The following PRIM2 variants were observed in gnomAD, a reference collection of about 807,000 sequenced individuals.
PRIM2 encodes the protein DNA primase subunit 2.
In PRIM2, 39 loss-of-function variants were observed where a neutral mutation model predicts 67.3. That is an observed-to-expected ratio of 0.58 (90% CI 0.45 to 0.76). PRIM2 has a LOEUF of 0.76. Among genes scored for constraint, PRIM2 ranks in the 30% least tolerant of loss-of-function variants. PRIM2 has a pLI of 0.00. For synonymous variants in PRIM2, 143 were observed against 198.7 expected (o/e 0.72, Z 2.36); for missense variants, 398 against 598.7 (o/e 0.66, Z 3.50).
At position 57,324,250 on chromosome 6, in the gene PRIM2, A is replaced by T. The variant is rs1184949882; in HGVS notation, c.308A>T (p.His103Leu). Reference sequence around the variant, plus strand: ...CCACGAAGAAGAGATCATATTTCTCATTTTATTTTGCGGCTTGCTTATTGC... The same window carrying T: ...CCACGAAGAAGAGATCATATTTCTCTTTTTATTTTGCGGCTTGCTTATTGC... ...YEPRRRDHISHFILRLAYCQS... is the reference protein window; with the variant it reads ...YEPRRRDHISLFILRLAYCQS... Residue 103 changes from histidine to leucine, a missense_variant, in exon 4 of 14, where the codon CAT (histidine) becomes CTT (leucine). This residue lies in a region of PRIM2 where 229 missense variants were observed against 383.6 expected (regional missense o/e 0.60). Transcript: ENST00000615550. 1 of 1,605,666 alleles carries T rather than the reference A, an allele frequency of 6.2e-7. No individual in the cohort carries two copies. Among genetic ancestry groups the T allele is most frequent in the Non-Finnish European group, 8.5e-7 (1 of 1,174,764 alleles).
rs1156527261 is a variant in PRIM2, at chr6:57,447,520, A to G, written c.694-59867A>G. Among the ~76,000 whole-genome samples, 3 of 152,190 alleles carry G rather than the reference A, an allele frequency of 2.0e-5. No individual in the cohort carries two copies. The South Asian group carries it at 6.2e-4, about 32-fold the overall frequency. On this transcript the variant is annotated intron_variant, in intron 7 of 13. Transcript: ENST00000615550. ...AAAGGAAGGCAGGCATTCCTGAGAG[A>G]ATGAGCATGGGTAGGAAGGTGTGAT...
intron 5 of PRIM2, among the ~76,000 whole-genome samples, chr6:57,354,751 G>A (rs1281862594): frequency 6.6e-6 from 1 of 152,170 alleles, no homozygotes; most frequent in African/African-American, 2.4e-5. Context: ...GTAACGCAGG[G>A]CAAGATGATT....
chr6:57,349,228 G>A (rs1768780964), intron 5 of PRIM2, among the ~76,000 whole-genome samples: 3 of 152,106 alleles, frequency 2.0e-5, no homozygotes, highest in Non-Finnish European at 1.5e-5. Context: ...TATGAGTTGA[G>A]GAAGATAATA....
chr6:57,306,997 G>A, the PRIM2 span, among the ~76,000 whole-genome samples: 3 of 151,940 alleles, frequency 2.0e-5, no homozygotes, highest in African/African-American at 7.2e-5. Context: ...TCAGGAGTTC[G>A]AGACCAGCCT....
intron 12 of PRIM2, among the ~76,000 whole-genome samples, chr6:57,629,626 C>T (rs1249626275): frequency 6.6e-6 from 1 of 151,994 alleles, no homozygotes; most frequent in African/African-American, 2.4e-5. Flanking sequence ...GATATTGCCA[C>T]CCTGGTCCAT....
chr6:57,238,417 A>T, the PRIM2 span, among the ~76,000 whole-genome samples: 1 of 152,224 alleles, frequency 6.6e-6, no homozygotes, highest in African/African-American at 2.4e-5. Context: ...ACTCACTCAA[A>T]ACCTCTCAAC....
At chr6:57,417,344 A>G (rs1771300292) in intron 7 of PRIM2, among the ~76,000 whole-genome samples, 1 of 151,958 alleles carries the variant, frequency 6.6e-6, no homozygotes, top group Non-Finnish European at 1.5e-5. Context: ...TGCATTTACG[A>G]CTTTGCTCAC....
intron 4 of PRIM2, among the ~76,000 whole-genome samples, chr6:57,324,739 A>G (rs1042611963): frequency 2.6e-5 from 4 of 152,156 alleles, no homozygotes; most frequent in Admixed American, 6.5e-5. Flanking sequence ...TGCCACCCAG[A>G]GGTAGTAAAG....
chr6:57,311,918 G>A (rs1767399646), upstream of PRIM2, among the ~76,000 whole-genome samples: 1 of 151,662 alleles, frequency 6.6e-6, no homozygotes. Flanking sequence ...GGCCGAGGCG[G>A]GAGAATCACC....
intron 5 of PRIM2, among the ~76,000 whole-genome samples, chr6:57,364,511 A>G (rs1320707805): frequency 4.6e-5 from 7 of 152,148 alleles, no homozygotes; most frequent in Non-Finnish European, 7.3e-5. Context: ...CTTCTCAAAA[A>G]CTTCATTTTC....
In PRIM2 at chr6:57,601,163, C is replaced by T; in HGVS notation, c.1091C>T (p.Pro364Leu). 1.2e-6 allele frequency: 2 copies of T among 1,612,488 alleles called. No individual in the cohort carries two copies. Among genetic ancestry groups the T allele is most frequent in the Non-Finnish European group, 1.7e-6 (2 of 1,178,904 alleles). The part of the protein sequence containing the change: ...GKEGKRTDYT[P>L]FSCLKIILSN... The stretch of plus-strand genomic sequence containing the variant: ...GAAGGCAAGAGGACAGACTATACAC[C>T]TTTCAGTTGCCTGAAGATTATTCTG... The change falls in exon 11 of 14, where the codon CCT becomes CTT. Residue 364 changes from proline (P) to leucine (L), a missense_variant. This residue lies in a region of PRIM2 where 229 missense variants were observed against 383.6 expected (regional missense o/e 0.60). Coordinates refer to ENST00000615550, the MANE Select transcript of PRIM2 (RefSeq NM_000947.5).
At chr6:57,595,723 T>C (rs1156254165) in intron 10 of PRIM2, among the ~76,000 whole-genome samples, 1 of 152,142 alleles carries the variant, frequency 6.6e-6, no homozygotes, top group African/African-American at 2.4e-5. Context: ...GTACTCTGGG[T>C]AAGATATGTA....
the PRIM2 span, among the ~76,000 whole-genome samples, chr6:57,296,755 G>A: frequency 2.0e-5 from 3 of 152,212 alleles, no homozygotes; most frequent in Admixed American, 6.5e-5. Flanking sequence ...CTAGCAACCA[G>A]GTCTAATTTC....
intron 8 of PRIM2, among the ~76,000 whole-genome samples, chr6:57,528,553 A>C (rs1433693780): frequency 6.6e-6 from 1 of 152,172 alleles, no homozygotes; most frequent in Non-Finnish European, 1.5e-5. Flanking sequence ...TCCTTGTGGC[A>C]TAGTAATCAT....
At chr6:57,335,524 C>A (rs1456003119) in intron 5 of PRIM2, among the ~76,000 whole-genome samples, 4 of 152,214 alleles carry the variant, frequency 2.6e-5, no homozygotes, top group Non-Finnish European at 5.9e-5. Flanking sequence ...TGAGAATGGG[C>A]AGACTGCCTC....
chr6:57,290,258 A>C, the PRIM2 span, among the ~76,000 whole-genome samples: 1 of 152,242 alleles, frequency 6.6e-6, no homozygotes, highest in Admixed American at 6.5e-5. Context: ...GAGACAAAGA[A>C]GGCCATTACA....
At chr6:57,315,788 C>T (rs3778514), upstream of PRIM2, among the ~76,000 whole-genome samples, 125,917 of 152,048 alleles carry the variant, frequency 0.83, 52,303 homozygotes, top group East Asian at 0.99. Context: ...TAATTTTATA[C>T]TTTTTATGGT....
the PRIM2 span, among the ~76,000 whole-genome samples, chr6:57,286,651 A>T: frequency 6.6e-6 from 1 of 152,222 alleles, no homozygotes; most frequent in Non-Finnish European, 1.5e-5. Context: ...AAAGTATAAA[A>T]ACCCTAGAAG....
rs1163725327 is a variant in PRIM2, at chr6:57,573,761, A to G, written c.1021-27332A>G. Among the ~76,000 whole-genome samples, 213 of 152,348 alleles carry G rather than the reference A, an allele frequency of 1.4e-3. 5 individuals are homozygous for G. In the East Asian group the frequency reaches 0.019, roughly 14 times the overall value. ...TGTGATATAGCATAGGAAAACAAAT[A>G]TGGGCAGAAAAATCCCTTAATGTAA... On this transcript the variant is annotated intron_variant, in intron 10 of 13. Transcript: ENST00000615550.
Sources: allele counts gnomAD v4.1 joint callset (sites outside exome capture counted in the v4.1 genomes callset), GRCh38; gene constraint gnomAD v4.1.1; regional missense constraint gnomAD v4.1.1; transcripts MANE v1.5; gene names NCBI Gene and HGNC (gene_info 2026-07-23, HGNC 2026-07-21).